Variants in SLC25A48 observed in about 807,000 individuals in gnomAD.
The protein encoded by SLC25A48 is solute carrier family 25 member 48, also known as CTC-321K16.1.
In SLC25A48, 29 loss-of-function variants were observed where a neutral mutation model predicts 32.2. The observed-to-expected ratio is 0.90, with a 90% CI of 0.67 to 1.23. The LOEUF is 1.23. Ranked by LOEUF, SLC25A48 falls within the 50% of genes most tolerant of loss-of-function variation. SLC25A48 has a pLI of 0.00. For missense variants in SLC25A48, 399 were observed against 422.7 expected, an observed-to-expected ratio of 0.94 and a Z score of 0.49; for synonymous variants, 164 against 172.3, an observed-to-expected ratio of 0.95 and a Z score of 0.38.
At chr5:135,802,829 C>G (rs1015997443) in intron 3 of SLC25A48, among the ~76,000 whole-genome samples, 1 of 148,228 alleles carries the variant, frequency 6.7e-6, no homozygotes, top group Non-Finnish European at 1.5e-5. Context: ...GGAAATATTA[C>G]TCCTAGTATC....
At chr5:135,876,218 C>G (rs1234403847) in intron 6 of SLC25A48, 1 of 126,314 alleles carries the variant, frequency 7.9e-6, no homozygotes, top group East Asian at 2.8e-4. Context: ...AAAAGTGTTT[C>G]AAGTGGATGA....
At chr5:135,746,534 G>C (rs951085398) in intron 3 of SLC25A48, among the ~76,000 whole-genome samples, 8 of 152,116 alleles carry the variant, frequency 5.3e-5, no homozygotes, top group African/African-American at 1.7e-4. Flanking sequence ...CCGATTCTCC[G>C]GTGCAAAATA....
At chr5:135,807,092 A>G (rs1040483779) in intron 3 of SLC25A48, among the ~76,000 whole-genome samples, 1 of 150,674 alleles carries the variant, frequency 6.6e-6, no homozygotes, top group South Asian at 2.1e-4. Flanking sequence ...AGTGGGTTTA[A>G]CACTGTGTTT....
intron 3 of SLC25A48, among the ~76,000 whole-genome samples, chr5:135,794,363 G>C (rs1757111570): frequency 6.6e-6 from 1 of 151,564 alleles, no homozygotes. Context: ...GCACCCCTTT[G>C]TGATATTGTT....
intron 3 of SLC25A48, among the ~76,000 whole-genome samples, chr5:135,722,391 C>A (rs974585480): frequency 1.3e-5 from 2 of 152,188 alleles, no homozygotes; most frequent in South Asian, 2.1e-4. Flanking sequence ...GATTGTGTAA[C>A]CTGACTGGCT....
At chr5:135,763,251 T>C (rs944724559) in intron 3 of SLC25A48, among the ~76,000 whole-genome samples, 2 of 152,140 alleles carry the variant, frequency 1.3e-5, no homozygotes, top group African/African-American at 4.8e-5. Context: ...CTCACGGGGC[T>C]AGCTGTGCTT....
intron 3 of SLC25A48, among the ~76,000 whole-genome samples, chr5:135,758,300 G>C (rs1755972622): frequency 6.7e-6 from 1 of 150,366 alleles, no homozygotes; most frequent in Non-Finnish European, 1.5e-5. Flanking sequence ...TATGATATCT[G>C]TAATATCTCC....
intron 1 of SLC25A48, among the ~76,000 whole-genome samples, chr5:135,586,267 A>G (rs1268479063): frequency 6.6e-6 from 1 of 152,202 alleles, no homozygotes; most frequent in Non-Finnish European, 1.5e-5. Context: ...TCCTGTCTGC[A>G]TGCTGCTGCC....
chr5:135,704,830 T>C (rs906418198), intron 3 of SLC25A48, among the ~76,000 whole-genome samples: 1 of 152,216 alleles, frequency 6.6e-6, no homozygotes, highest in Non-Finnish European at 1.5e-5. Context: ...CTTAACTGAC[T>C]TTTCTGGACG....
chr5:135,748,048 T>C (rs1561474228), intron 3 of SLC25A48, among the ~76,000 whole-genome samples: 1 of 152,100 alleles, frequency 6.6e-6, no homozygotes, highest in Non-Finnish European at 1.5e-5. Flanking sequence ...TGGAGCCCAA[T>C]CTGGTCAGGA....
chr5:135,834,369 G>C (rs1758325550), upstream of SLC25A48, among the ~76,000 whole-genome samples: 1 of 152,228 alleles, frequency 6.6e-6, no homozygotes. Context: ...CCCAGAGTTG[G>C]GATGGGAGAG....
chr5:135,589,642 T>C (rs754206536), intron 1 of SLC25A48, among the ~76,000 whole-genome samples: 4 of 152,126 alleles, frequency 2.6e-5, no homozygotes, highest in Non-Finnish European at 5.9e-5. Flanking sequence ...CCATGTAGTA[T>C]TGCAAAAAGG....
intron 1 of SLC25A48, among the ~76,000 whole-genome samples, chr5:135,840,847 AT>A (rs1320745237): frequency 6.6e-6 from 1 of 152,180 alleles, no homozygotes; most frequent in African/African-American, 2.4e-5. Context: ...GTTGATGGGC[AT>A]TTTTGGCTAT....
chr5:135,856,761 T>G (rs1760355577), intron 4 of SLC25A48, among the ~76,000 whole-genome samples: 1 of 152,232 alleles, frequency 6.6e-6, no homozygotes, highest in Non-Finnish European at 1.5e-5. Flanking sequence ...TGAACTTTGC[T>G]GATCTGTCCC....
intron 4 of SLC25A48, among the ~76,000 whole-genome samples, chr5:135,857,176 TG>T (rs1362340092): frequency 2.6e-5 from 4 of 152,220 alleles, no homozygotes; most frequent in Non-Finnish European, 5.9e-5. Context: ...GACAACTTTT[TG>T]TTCTATCCTC....
At chr5:135,887,807 T>G (rs1762789990) in intron 7 of SLC25A48, among the ~76,000 whole-genome samples, 1 of 152,180 alleles carries the variant, frequency 6.6e-6, no homozygotes, top group South Asian at 2.1e-4. Context: ...GTGCCCCCTG[T>G]GCTCTTGCAG....
chr5:135,680,329 G>A (rs1051061554), intron 3 of SLC25A48, among the ~76,000 whole-genome samples: 2 of 152,128 alleles, frequency 1.3e-5, no homozygotes, highest in African/African-American at 4.8e-5. Context: ...GTTTTAGCTA[G>A]CACAGATCCT....
intron 3 of SLC25A48, among the ~76,000 whole-genome samples, chr5:135,773,596 CT>C (rs1561486120): frequency 6.6e-6 from 1 of 151,478 alleles, no homozygotes. Context: ...AGAGTACACC[CT>C]TTTAGATATA....
At chr5:135,636,990 A>G (rs1301767098) in intron 3 of SLC25A48, among the ~76,000 whole-genome samples, 1 of 152,198 alleles carries the variant, frequency 6.6e-6, no homozygotes, top group Non-Finnish European at 1.5e-5. Flanking sequence ...TAGGGTGGAA[A>G]TATAAAAGAT....
Sources: allele counts gnomAD v4.1 joint callset (sites outside exome capture counted in the v4.1 genomes callset), GRCh38; gene constraint gnomAD v4.1.1; transcripts MANE v1.5; gene names NCBI Gene and HGNC (gene_info 2026-07-23, HGNC 2026-07-21).